Variants in GALNT13 observed in about 807,000 individuals in gnomAD.
The protein encoded by GALNT13 is UDP-GalNAc:polypeptide N-acetylgalactosaminyltransferase 13.
In GALNT13, 28 loss-of-function variants were observed where a neutral mutation model predicts 64.2. The ratio of observed to expected loss-of-function variants is 0.44; its 90% CI spans 0.32 to 0.60. The LOEUF is 0.60. Among genes scored for constraint, GALNT13 ranks in the 20% least tolerant of loss-of-function variants. GALNT13 has a pLI of 0.05. For synonymous variants in GALNT13, 214 were observed against 224.6 expected (o/e 0.95, Z 0.42); for missense variants, 577 against 669.8 (o/e 0.86, Z 1.53).
the GALNT13 span, among the ~76,000 whole-genome samples, chr2:153,567,228 T>G: frequency 6.6e-6 from 1 of 152,196 alleles, no homozygotes; most frequent in African/African-American, 2.4e-5. Flanking sequence ...AATTTCTGCC[T>G]TCTTCTCACT....
intron 9 of GALNT13, among the ~76,000 whole-genome samples, chr2:154,316,281 T>A (rs2105146061): frequency 6.6e-6 from 1 of 152,248 alleles, no homozygotes; most frequent in Admixed American, 6.5e-5. Context: ...ACTTTGCACA[T>A]TCTTAGTGTA....
At chr2:153,178,442 C>T in the GALNT13 span, among the ~76,000 whole-genome samples, 4 of 152,102 alleles carry the variant, frequency 2.6e-5, no homozygotes, top group African/African-American at 9.7e-5. Context: ...TTTTAGTTTG[C>T]ATTTCCCTAA....
At chr2:153,622,369 A>G in the GALNT13 span, among the ~76,000 whole-genome samples, 5 of 152,182 alleles carry the variant, frequency 3.3e-5, no homozygotes, top group African/African-American at 1.2e-4. Context: ...GAATAAGGTT[A>G]TATTTTGAGA....
At chr2:154,025,813 C>G (rs1429609451) in intron 3 of GALNT13, among the ~76,000 whole-genome samples, 1 of 152,074 alleles carries the variant, frequency 6.6e-6, no homozygotes, top group East Asian at 1.9e-4. Context: ...TCACTCAATT[C>G]TTTGAGGGAA....
chr2:154,402,003 T>C (rs985237657), intron 10 of GALNT13, among the ~76,000 whole-genome samples: 16 of 152,298 alleles, frequency 1.1e-4, no homozygotes, highest in Non-Finnish European at 1.9e-4. Flanking sequence ...GCAATCATAT[T>C]ATGGAAATAT....
chr2:153,166,649 G>GTGTGTGTT, the GALNT13 span, among the ~76,000 whole-genome samples: 4 of 151,432 alleles, frequency 2.6e-5, no homozygotes, highest in African/African-American at 9.7e-5. Context: ...GTGTGTGTGT[G>GTGTGTGTT]TGTGTGTGTG....
intron 3 of GALNT13, among the ~76,000 whole-genome samples, chr2:154,086,272 C>T (rs1007145965): frequency 6.8e-5 from 10 of 147,712 alleles, no homozygotes; most frequent in African/African-American, 2.5e-4. Flanking sequence ...TCATGGTAGT[C>T]CTCCTTCCCC....
the GALNT13 span, among the ~76,000 whole-genome samples, chr2:153,776,156 GAA>G: frequency 6.6e-6 from 1 of 152,112 alleles, no homozygotes; most frequent in African/African-American, 2.4e-5. Flanking sequence ...TATTGTTGTA[GAA>G]ATAAATCAAA....
chr2:154,387,759 C>A (rs547641066), intron 9 of GALNT13, among the ~76,000 whole-genome samples: 1 of 152,102 alleles, frequency 6.6e-6, no homozygotes, highest in Non-Finnish European at 1.5e-5. Context: ...GGATTTTCTT[C>A]CTTTTTAAGG....
the GALNT13 span, among the ~76,000 whole-genome samples, chr2:153,601,842 T>C: frequency 6.6e-6 from 1 of 151,806 alleles, no homozygotes; most frequent in African/African-American, 2.4e-5. Flanking sequence ...AAAGATAATA[T>C]ATACACCAAG....
the GALNT13 span, among the ~76,000 whole-genome samples, chr2:153,747,815 G>A: frequency 1.3e-5 from 2 of 152,024 alleles, no homozygotes; most frequent in Admixed American, 1.3e-4. Flanking sequence ...TAACATAATG[G>A]TCACCAGTTC....
chr2:153,163,196 C>A, the GALNT13 span, among the ~76,000 whole-genome samples: 4 of 151,888 alleles, frequency 2.6e-5, no homozygotes, highest in African/African-American at 9.7e-5. Flanking sequence ...AAATAAGGTC[C>A]CACTTGTTTG....
At chr2:154,358,869 T>G (rs1328097348) in intron 9 of GALNT13, among the ~76,000 whole-genome samples, 7 of 152,094 alleles carry the variant, frequency 4.6e-5, no homozygotes. Context: ...ATCTGTTCAC[T>G]CACTGAAATT....
chr2:153,548,473 A>G, the GALNT13 span, among the ~76,000 whole-genome samples: 1 of 152,312 alleles, frequency 6.6e-6, no homozygotes, highest in Admixed American at 6.5e-5. Context: ...TAACGTGAGT[A>G]GTAGAGTGTG....
chr2:154,450,516 C>G lies in GALNT13; in HGVS notation c.1636C>G (p.Gln546Glu), dbSNP rs1235423252. The change falls in exon 13 of 13, where the codon CAG becomes GAG. Residue 546 changes from glutamine (Q) to glutamate (E), a missense_variant. This residue lies in a region of GALNT13 where 232 missense variants were observed against 270.6 expected (regional missense o/e 0.86). Transcript: ENST00000392825. ...GGACTGTAGTGGAAGCAGATCCCAA[C>G]AGTGGCTGCTAAGGAACATGACCTT... is the stretch of plus-strand genomic sequence containing the variant. ...MQDCSGSRSQ[Q>E]WLLRNMTLGT 4 of 1,611,792 alleles carry G rather than the reference C, an allele frequency of 2.5e-6. No individual in the cohort carries two copies. The highest frequency in any genetic ancestry group is 2.7e-5 in the African/African-American group (2 of 74,786).
At chr2:154,179,824 TAAAA>T (rs56303526) in intron 4 of GALNT13, among the ~76,000 whole-genome samples, 2 of 126,496 alleles carry the variant, frequency 1.6e-5, no homozygotes, top group African/African-American at 2.9e-5. Flanking sequence ...TCTTCCATGA[TAAAA>T]AAAAAAAAAA....
At chr2:153,443,746 A>G in the GALNT13 span, among the ~76,000 whole-genome samples, 6 of 152,110 alleles carry the variant, frequency 3.9e-5, no homozygotes, top group Non-Finnish European at 1.5e-5. Flanking sequence ...AACATGGTGA[A>G]ACCCCATCTC....
At chr2:153,799,707 C>T in the GALNT13 span, among the ~76,000 whole-genome samples, 1 of 152,090 alleles carries the variant, frequency 6.6e-6, no homozygotes, top group African/African-American at 2.4e-5. Flanking sequence ...GATTCTATGA[C>T]TTAGTTTGGC....
chr2:153,199,411 C>T, the GALNT13 span, among the ~76,000 whole-genome samples: 1 of 152,154 alleles, frequency 6.6e-6, no homozygotes, highest in South Asian at 2.1e-4. Flanking sequence ...TGACAGTTCT[C>T]AAGGGTTGAG....
Sources: gnomAD v4.1 joint callset for allele counts (sites outside exome capture counted in the v4.1 genomes callset) on GRCh38, gnomAD v4.1.1 for gene constraint, gnomAD v4.1.1 regional missense constraint, MANE v1.5 for transcripts, NCBI Gene and HGNC (gene_info 2026-07-23, HGNC 2026-07-21) for gene names.